The following CDYL variants were observed in gnomAD, a reference collection of about 807,000 sequenced individuals.
CDYL encodes the protein chromodomain Y-like protein.
Under a neutral mutation model 47.3 loss-of-function variants are expected in CDYL, and 8 were observed. The ratio of observed to expected loss-of-function variants is 0.17; its 90% CI spans 0.10 to 0.31. CDYL has a LOEUF of 0.31. Among genes scored for constraint, CDYL ranks in the 10% least tolerant of loss-of-function variants. The pLI, the probability that CDYL is intolerant of heterozygous loss-of-function variation, is 1.00. For missense variants in CDYL, 471 were observed against 701.4 expected (o/e 0.67, Z 3.71); for synonymous variants, 266 against 265.0 (o/e 1.00, Z -0.04).
chr6:4,707,576 G>C (rs1245912740), intron 1 of CDYL, among the ~76,000 whole-genome samples: 1 of 152,126 alleles, frequency 6.6e-6, no homozygotes, highest in Non-Finnish European at 1.5e-5. Context: ...CCGGCTGTCT[G>C]TTAAACTGTT....
chr6:4,747,587 C>T (rs1757920589), intron 3 of CDYL, among the ~76,000 whole-genome samples: 1 of 152,170 alleles, frequency 6.6e-6, no homozygotes, highest in Non-Finnish European at 1.5e-5. Context: ...CTTCCCAGGT[C>T]CTGATCCTTT....
At chr6:4,712,100 A>G (rs1413581147) in intron 1 of CDYL, among the ~76,000 whole-genome samples, 1 of 152,076 alleles carries the variant, frequency 6.6e-6, no homozygotes, top group East Asian at 1.9e-4. Context: ...AAAATATATA[A>G]CAGTTAAGTA....
At chr6:4,884,247 G>A (rs1056548121) in intron 1 of CDYL, among the ~76,000 whole-genome samples, 4 of 152,220 alleles carry the variant, frequency 2.6e-5, no homozygotes, top group Admixed American at 1.3e-4. Context: ...AGAAAGCCAC[G>A]TGGCTTGCTA....
intron 2 of CDYL, among the ~76,000 whole-genome samples, chr6:4,913,872 G>A (rs886802549): frequency 6.6e-6 from 1 of 152,250 alleles, no homozygotes; most frequent in Non-Finnish European, 1.5e-5. Flanking sequence ...CCCAGATTTG[G>A]CCAGGAGCCC....
chr6:4,782,897 A>G (rs968846655), intron 1 of CDYL, among the ~76,000 whole-genome samples: 1 of 152,210 alleles, frequency 6.6e-6, no homozygotes, highest in African/African-American at 2.4e-5. Context: ...TAGAAGTTGT[A>G]TGCTATTTCT....
chr6:4,732,920 T>G (rs9378910), intron 2 of CDYL, among the ~76,000 whole-genome samples: 20,637 of 151,644 alleles, frequency 0.14, 1,810 homozygotes, highest in African/African-American at 0.26. Flanking sequence ...CGCTGCAGAG[T>G]GGGAGAGAGC....
At chr6:4,912,643 G>T (rs1757446570) in intron 2 of CDYL, among the ~76,000 whole-genome samples, 3 of 152,194 alleles carry the variant, frequency 2.0e-5, no homozygotes, top group African/African-American at 7.2e-5. Context: ...CTGAAACTAC[G>T]TAATTTACAA....
At chr6:4,824,787 CAA>C (rs1759932556) in intron 1 of CDYL, among the ~76,000 whole-genome samples, 1 of 151,570 alleles carries the variant, frequency 6.6e-6, no homozygotes. Context: ...GTTTCTTTTT[CAA>C]GATTGTTTTG....
At chr6:4,769,280 A>G (rs1758300827) in intron 3 of CDYL, among the ~76,000 whole-genome samples, 1 of 152,234 alleles carries the variant, frequency 6.6e-6, no homozygotes, top group South Asian at 2.1e-4. Context: ...ACTCTCTACT[A>G]TATATGCAAT....
intron 1 of CDYL, among the ~76,000 whole-genome samples, chr6:4,878,745 A>G (rs921749891): frequency 6.6e-6 from 1 of 151,772 alleles, no homozygotes; most frequent in Non-Finnish European, 1.5e-5. Context: ...TTTAATTGTT[A>G]TTTGTATTGC....
At chr6:4,905,048 T>G (rs1187033674) in intron 2 of CDYL, among the ~76,000 whole-genome samples, 1 of 152,148 alleles carries the variant, frequency 6.6e-6, no homozygotes, top group East Asian at 1.9e-4. Context: ...GACGGCCCAG[T>G]GCTCTACCCC....
At chr6:4,909,669 A>G (rs1474398395) in intron 2 of CDYL, among the ~76,000 whole-genome samples, 1 of 151,890 alleles carries the variant, frequency 6.6e-6, no homozygotes, top group Non-Finnish European at 1.5e-5. Flanking sequence ...TCCCGTCTTC[A>G]TGCCATTCTC....
At chr6:4,948,911 C>G (rs904580726) in intron 5 of CDYL, among the ~76,000 whole-genome samples, 1 of 152,232 alleles carries the variant, frequency 6.6e-6, no homozygotes, top group Non-Finnish European at 1.5e-5. Context: ...TAAATGATGT[C>G]GTTCCTTTCA....
chr6:4,727,191 A>G (rs528381067), intron 2 of CDYL, among the ~76,000 whole-genome samples: 1 of 152,308 alleles, frequency 6.6e-6, no homozygotes, highest in East Asian at 1.9e-4. Flanking sequence ...AAGGAATAGG[A>G]CATTCCATTG....
At chr6:4,875,288 T>A (rs966399791) in intron 1 of CDYL, among the ~76,000 whole-genome samples, 5 of 152,234 alleles carry the variant, frequency 3.3e-5, no homozygotes, top group Non-Finnish European at 2.9e-5. Context: ...GTTTTTGCTA[T>A]TCTATTTATA....
intron 4 of CDYL, among the ~76,000 whole-genome samples, chr6:4,938,888 C>T (rs190116146): frequency 3.3e-5 from 5 of 152,314 alleles, no homozygotes; most frequent in East Asian, 1.9e-4. Flanking sequence ...CATATCCCCT[C>T]ATTTATCATG....
intron 1 of CDYL, among the ~76,000 whole-genome samples, chr6:4,861,420 C>T (rs1306374718): frequency 6.6e-6 from 1 of 152,194 alleles, no homozygotes; most frequent in Non-Finnish European, 1.5e-5. Flanking sequence ...ATAATAGAGC[C>T]AGAGATGCTG....
Position 4,852,535 on chromosome 6 carries a change from TCTTC to T in CDYL, c.25-39156_25-39153del, listed in dbSNP as rs371091747. On this transcript the variant is annotated intron_variant, in intron 1 of 6. Coordinates refer to ENST00000397588, the MANE Select transcript of CDYL (RefSeq NM_004824.4). ...TCCAATCTTCCTTCCTTCCTTCCAATCTTCCTTCCTTCCTTCCTTCCTTCCAATC... is the reference window on the plus strand; with the variant it reads ...TCCAATCTTCCTTCCTTCCTTCCAATCTTCCTTCCTTCCTTCCTTCCAATC... Among the ~76,000 whole-genome samples, 314 of 76,534 alleles carry T rather than the reference TCTTC, an allele frequency of 4.1e-3. 16 individuals carry two copies. The highest frequency in any genetic ancestry group is 0.02 in the Middle Eastern group (3 of 150). 50.2% of individuals were successfully genotyped at this position (76,534 alleles called of 152,430 possible).
At chr6:4,737,148 T>C (rs2127415773) in intron 3 of CDYL, among the ~76,000 whole-genome samples, 1 of 152,320 alleles carries the variant, frequency 6.6e-6, no homozygotes, top group South Asian at 2.1e-4. Flanking sequence ...TCTTTTTATA[T>C]GATGAAAAAC....
Sources: allele counts gnomAD v4.1 joint callset (sites outside exome capture counted in the v4.1 genomes callset), GRCh38; gene constraint gnomAD v4.1.1; transcripts MANE v1.5; gene names NCBI Gene and HGNC (gene_info 2026-07-23, HGNC 2026-07-21).